The following OTUB2 variants were observed in gnomAD, a reference collection of about 807,000 sequenced individuals.
OTUB2 encodes the protein OTU deubiquitinase, ubiquitin aldehyde binding 2, also known as ubiquitin thioesterase OTUB2.
In OTUB2, 21 loss-of-function variants were observed where a neutral mutation model predicts 25.1. The ratio of observed to expected loss-of-function variants is 0.84; its 90% CI spans 0.59 to 1.21. OTUB2 has a LOEUF of 1.21. OTUB2 is among the 50% of genes most tolerant of loss of function. The probability of loss-of-function intolerance (pLI) is 0.00; values close to 1 mark genes in which losing one functional copy is unlikely to be tolerated. For synonymous variants in OTUB2, 122 were observed against 122.8 expected (o/e 0.99, Z 0.04); for missense variants, 283 against 298.0 (o/e 0.95, Z 0.37).
Position 94,039,032 on chromosome 14 carries a change from G to T in OTUB2, c.169G>T (p.Gly57Cys). The change falls in exon 3 of 6, where the codon GGC becomes TGC. Residue 57 changes from glycine to cysteine, a missense_variant. Physicochemically the swap from Gly to Cys is radical, Grantham distance 159. Coordinates refer to ENST00000203664, the MANE Select transcript of OTUB2 (RefSeq NM_023112.4). The part of the protein sequence containing the change: ...GDGNCFYRAL[G>C]YSYLESLLGK... The stretch of plus-strand genomic sequence containing the variant: ...TGGGAACTGCTTCTACAGGGCCTTG[G>T]GCTATTCCTACCTGGAGTCCCTGCT... 8 of 1,614,202 alleles carry T rather than the reference G, an allele frequency of 5.0e-6. No homozygotes were observed. Among genetic ancestry groups the T allele is most frequent in the Non-Finnish European group, 6.8e-6 (8 of 1,180,036 alleles).
chr14:94,043,877 G>C, intron 3 of OTUB2, 94 bp from the exon 4 acceptor site: 1 of 1,127,716 alleles, frequency 8.9e-7, no homozygotes. Flanking sequence ...GATGAGGTTG[G>C]TGGGCGCAGT....
chr14:94,045,956 T>G lies in OTUB2; in HGVS notation c.*34T>G, dbSNP rs749333318. 1 of 1,593,066 alleles carries G rather than the reference T, an allele frequency of 6.3e-7. No homozygotes were observed. Among genetic ancestry groups the G allele is most frequent in the Non-Finnish European group, 8.6e-7 (1 of 1,161,846 alleles). On this transcript the variant is annotated 3_prime_UTR_variant, in exon 6 of 6. Transcript: ENST00000203664. ...AGGCCATGCAGTGGAACCTGTCACC[T>G]AATGGGACTGCATTCTGAATGGAAC...
At chr14:94,032,000 A>T (rs1370607608) in intron 1 of OTUB2, among the ~76,000 whole-genome samples, 1 of 152,166 alleles carries the variant, frequency 6.6e-6, no homozygotes, top group Non-Finnish European at 1.5e-5. Context: ...TGCCTGATTT[A>T]TGGGCTAGTA....
intron 3 of OTUB2, among the ~76,000 whole-genome samples, chr14:94,043,087 C>G (rs187752553): frequency 1.3e-5 from 2 of 152,224 alleles, no homozygotes; most frequent in African/African-American, 4.8e-5. Flanking sequence ...ACCAGCTTCC[C>G]GTCCACACCC....
At chr14:94,039,396 A>T (rs1165285607) in intron 3 of OTUB2, 1 of 358,968 alleles carries the variant, frequency 2.8e-6, no homozygotes, top group African/African-American at 2.1e-5. Flanking sequence ...AGAAAAGAAA[A>T]GACAAACAAA....
intron 3 of OTUB2, among the ~76,000 whole-genome samples, chr14:94,043,125 T>C (rs73348168): frequency 0.038 from 5,816 of 152,278 alleles, 353 homozygotes; most frequent in African/African-American, 0.12. Flanking sequence ...CACTGCCCCC[T>C]GTCCTCCTAC....
chr14:94,032,098 C>G (rs1884973755), intron 1 of OTUB2, among the ~76,000 whole-genome samples: 1 of 152,134 alleles, frequency 6.6e-6, no homozygotes, highest in Non-Finnish European at 1.5e-5. Flanking sequence ...TGGGGAGTGG[C>G]AGGGGACCAA....
At position 94,048,204 on chromosome 14, in the gene OTUB2, A is replaced by C. The variant is rs1031247483; in HGVS notation, c.*2282A>C. ...GCAGCCAGTCACCCTGGCCAGTCCCACTTCCTGGATAATTCTCTACCCTCA... is the reference window on the plus strand; with the variant it reads ...GCAGCCAGTCACCCTGGCCAGTCCCCCTTCCTGGATAATTCTCTACCCTCA... On this transcript the variant is annotated 3_prime_UTR_variant, in exon 6 of 6. Transcript: ENST00000203664. 2.0e-5 allele frequency: 3 copies of C among 152,088 alleles called. No individual in the cohort carries two copies. Among genetic ancestry groups the C allele is most frequent in the Non-Finnish European group, 4.4e-5 (3 of 68,030 alleles). The allele number at this position is 152,088 out of a possible 1,614,324, so 9.4% of individuals were successfully genotyped here.
chr14:94,038,879 G>C (rs1885106575), intron 2 of OTUB2, 84 bp from the exon 3 acceptor site: 1 of 1,177,320 alleles, frequency 8.5e-7, no homozygotes, highest in Non-Finnish European at 1.3e-6. Context: ...GGGAGAGATG[G>C]GGGGCACCTG....
intron 3 of OTUB2, among the ~76,000 whole-genome samples, chr14:94,040,085 T>A (rs1885131931): frequency 6.6e-6 from 1 of 152,112 alleles, no homozygotes; most frequent in South Asian, 2.1e-4. Flanking sequence ...CAAAACTGCC[T>A]GCAGACACTG....
chr14:94,033,050 T>C (rs28449944), intron 1 of OTUB2, among the ~76,000 whole-genome samples: 4,079 of 152,292 alleles, frequency 0.027, 176 homozygotes, highest in African/African-American at 0.093. Flanking sequence ...TAGCTGGGAC[T>C]ACAGGTGCCC....
chr14:94,038,317 G>C (rs371154477), intron 2 of OTUB2, among the ~76,000 whole-genome samples: 8 of 152,342 alleles, frequency 5.3e-5, no homozygotes, highest in African/African-American at 1.9e-4. Context: ...CCTCCTGGGA[G>C]ATGAGCCAGG....
At position 94,048,063 on chromosome 14, in the gene OTUB2, G is replaced by A. The variant is rs1271247999; in HGVS notation, c.*2141G>A. On this transcript the variant is annotated 3_prime_UTR_variant, in exon 6 of 6. Coordinates refer to ENST00000203664, the MANE Select transcript of OTUB2 (RefSeq NM_023112.4). Reference sequence around the variant, plus strand: ...GAACCATTGCCCTTGTTTCCCCCACGTTCTCTCTCAGATCTTTGTCTCGAA... The same window carrying A: ...GAACCATTGCCCTTGTTTCCCCCACATTCTCTCTCAGATCTTTGTCTCGAA... The A allele has an allele frequency of 1.3e-5, 2 of 152,092 alleles. No homozygotes were observed. Among genetic ancestry groups the A allele is most frequent in the African/African-American group, 2.4e-5 (1 of 41,392 alleles). The allele number at this position is 152,092 out of a possible 1,614,324, so 9.4% of individuals were successfully genotyped here. A position where few individuals can be genotyped will look rare whatever the true frequency, so the allele number is the denominator to read the frequency against.
intron 1 of OTUB2, among the ~76,000 whole-genome samples, chr14:94,031,747 T>G (rs1047029224): frequency 1.3e-5 from 2 of 152,190 alleles, no homozygotes; most frequent in African/African-American, 4.8e-5. Flanking sequence ...CTTTTCTCAC[T>G]TTGAAATATA....
intron 1 of OTUB2, among the ~76,000 whole-genome samples, chr14:94,027,362 G>T (rs1884885383): frequency 6.6e-6 from 1 of 152,184 alleles, no homozygotes; most frequent in African/African-American, 2.4e-5. Context: ...ATCCTGCAGG[G>T]GACTGGGTGG....
intron 2 of OTUB2, 150 bp downstream of exon 2, chr14:94,037,625 C>A: frequency 2.1e-6 from 1 of 483,244 alleles, no homozygotes; most frequent in African/African-American, 2.0e-5. Context: ...TGGACATTTG[C>A]CTTAGCGATA....
intron 3 of OTUB2, among the ~76,000 whole-genome samples, chr14:94,042,842 A>G (rs911754156): frequency 6.6e-6 from 1 of 152,186 alleles, no homozygotes; most frequent in East Asian, 1.9e-4. Flanking sequence ...TCAAGGCGTC[A>G]TCACCATCCA....
At chr14:94,030,704 T>C (rs1884944771) in intron 1 of OTUB2, among the ~76,000 whole-genome samples, 1 of 151,950 alleles carries the variant, frequency 6.6e-6, no homozygotes, top group African/African-American at 2.4e-5. Flanking sequence ...GTGACTATGT[T>C]ACCGTGGCGA....
chr14:94,031,767 G>A (rs752456559), intron 1 of OTUB2, among the ~76,000 whole-genome samples: 6 of 152,134 alleles, frequency 3.9e-5, no homozygotes, highest in Non-Finnish European at 7.4e-5. Flanking sequence ...ATTCCTCCAC[G>A]CAAGCTGCTA....
Sources: gnomAD v4.1 joint callset for allele counts (sites outside exome capture counted in the v4.1 genomes callset) on GRCh38, gnomAD v4.1.1 for gene constraint, MANE v1.5 for transcripts, NCBI Gene and HGNC (gene_info 2026-07-23, HGNC 2026-07-21) for gene names.